The following AVEN variants were observed in gnomAD, a reference collection of about 807,000 sequenced individuals.
AVEN encodes the protein cell death regulator Aven.
A neutral mutation model predicts 38.1 loss-of-function variants in AVEN; 41 were observed. The ratio of observed to expected loss-of-function variants is 1.08; its 90% CI spans 0.84 to 1.40. AVEN has a LOEUF of 1.40. Among genes scored for constraint, AVEN ranks in the 40% most tolerant of loss-of-function variants. The probability of loss-of-function intolerance (pLI) is 0.00; values close to 1 mark genes in which losing one functional copy is unlikely to be tolerated. For missense variants in AVEN, 605 were observed against 438.8 expected (o/e 1.38, Z -3.38); for synonymous variants, 206 against 171.8 (o/e 1.20, Z -1.56).
At chr15:34,072,926 C>T (rs895038903) in intron 1 of AVEN, among the ~76,000 whole-genome samples, 8 of 150,976 alleles carry the variant, frequency 5.3e-5, no homozygotes, top group Admixed American at 3.9e-4. Flanking sequence ...TGGGATTACA[C>T]GCGTGAGCCA....
At chr15:33,855,169 G>A (rs116125012), downstream of AVEN, among the ~76,000 whole-genome samples, 1,435 of 152,134 alleles carry the variant, frequency 9.4e-3, 30 homozygotes, top group African/African-American at 0.032. Context: ...GGAGAGGGAG[G>A]GAGGTGATGG....
intron 2 of AVEN, among the ~76,000 whole-genome samples, chr15:33,975,414 T>TG (rs566165118): frequency 2.6e-5 from 4 of 152,334 alleles, no homozygotes; most frequent in African/African-American, 9.6e-5. Flanking sequence ...TTCTGCTGCC[T>TG]AAACATTGAT....
At chr15:33,873,584 A>G (rs1237403072) in intron 3 of AVEN, among the ~76,000 whole-genome samples, 1 of 148,304 alleles carries the variant, frequency 6.7e-6, no homozygotes, top group East Asian at 1.9e-4. Context: ...ACATATAATT[A>G]TATATAATAC....
At chr15:33,978,202 G>A (rs1895971849) in intron 2 of AVEN, among the ~76,000 whole-genome samples, 1 of 152,132 alleles carries the variant, frequency 6.6e-6, no homozygotes, top group African/African-American at 2.4e-5. Flanking sequence ...ATGCAGACTG[G>A]CCGTTCTGAA....
intron 11 of AVEN, chr15:33,859,441 T>G: frequency 1.2e-6 from 1 of 835,680 alleles, no homozygotes; most frequent in Admixed American, 2.4e-5. Flanking sequence ...GCATGAATAC[T>G]GGCACCTCTG....
chr15:34,071,374 A>G (rs554003380), intron 1 of AVEN, among the ~76,000 whole-genome samples: 1 of 152,272 alleles, frequency 6.6e-6, no homozygotes, highest in East Asian at 1.9e-4. Flanking sequence ...CCCAGGCTCA[A>G]GTGATACTTC....
At chr15:33,863,445 C>T (rs1889256666), downstream of AVEN, among the ~76,000 whole-genome samples, 1 of 152,068 alleles carries the variant, frequency 6.6e-6, no homozygotes, top group African/African-American at 2.4e-5. Flanking sequence ...GACATAATTT[C>T]TACTTTCTCA....
At chr15:33,916,735 G>A (rs1034699858) in intron 2 of AVEN, among the ~76,000 whole-genome samples, 3 of 152,028 alleles carry the variant, frequency 2.0e-5, no homozygotes, top group Admixed American at 1.3e-4. Flanking sequence ...TACACTGCTG[G>A]TGTGAATGTA....
intron 2 of AVEN, among the ~76,000 whole-genome samples, chr15:33,904,708 T>C (rs62014463): frequency 0.57 from 65,477 of 114,948 alleles, 16,199 homozygotes; most frequent in Non-Finnish European, 0.66. Flanking sequence ...TATATATATA[T>C]ATATATATAC....
chr15:33,939,031 C>T (rs1238308767), intron 2 of AVEN, among the ~76,000 whole-genome samples: 7 of 152,226 alleles, frequency 4.6e-5, no homozygotes, highest in Non-Finnish European at 8.8e-5. Flanking sequence ...TTAGTAGAGA[C>T]AGGGTTTCAC....
chr15:33,910,144 A>C (rs1156667244), intron 2 of AVEN, among the ~76,000 whole-genome samples: 1 of 152,036 alleles, frequency 6.6e-6, no homozygotes, highest in Non-Finnish European at 1.5e-5. Flanking sequence ...AAAAAAAAAA[A>C]AAAAAAATTG....
At chr15:34,017,492 T>TG (rs1897977704) in intron 1 of AVEN, among the ~76,000 whole-genome samples, 1 of 92,132 alleles carries the variant, frequency 1.1e-5, no homozygotes, top group Admixed American at 1.3e-4. Context: ...TTGTTTTTTT[T>TG]TTTTTTTTGA....
intron 5 of AVEN, among the ~76,000 whole-genome samples, chr15:34,053,319 A>AAAAAAAAAT (rs775436850): frequency 7.1e-5 from 3 of 42,068 alleles, no homozygotes; most frequent in Non-Finnish European, 9.4e-5. Flanking sequence ...AAAAAAAAAA[A>AAAAAAAAAT]ATATATATAT....
At chr15:33,924,243 G>A (rs1893524807) in intron 2 of AVEN, among the ~76,000 whole-genome samples, 1 of 151,794 alleles carries the variant, frequency 6.6e-6, no homozygotes, top group Non-Finnish European at 1.5e-5. Flanking sequence ...GCAGAGAAAT[G>A]CCTGTAGTCC....
At chr15:34,048,288 C>A (rs1322922431) in intron 5 of AVEN, among the ~76,000 whole-genome samples, 1 of 152,160 alleles carries the variant, frequency 6.6e-6, no homozygotes, top group Non-Finnish European at 1.5e-5. Flanking sequence ...CTGATCTTTC[C>A]CTGGGATGGA....
chr15:33,892,767 T>C (rs1370686034), intron 2 of AVEN, among the ~76,000 whole-genome samples: 8 of 152,096 alleles, frequency 5.3e-5, no homozygotes, highest in Non-Finnish European at 1.2e-4. Flanking sequence ...AAGAAAGTCA[T>C]TGGTAGCTTG....
At chr15:33,852,805 A>C in the AVEN span, 3 of 417,904 alleles carry the variant, frequency 7.2e-6, no homozygotes, top group Non-Finnish European at 1.3e-5. Context: ...CATAATTCTG[A>C]GGCAGAAACT....
At chr15:33,919,591 G>A (rs892509953) in intron 2 of AVEN, among the ~76,000 whole-genome samples, 5 of 152,172 alleles carry the variant, frequency 3.3e-5, no homozygotes, top group African/African-American at 1.2e-4. Flanking sequence ...AAGGGTATGG[G>A]AATGAACCAT....
Position 33,942,296 on chromosome 15 carries a change from T to A in AVEN, c.445+60736A>T, listed in dbSNP as rs1271501619. On this transcript the variant is annotated intron_variant, in intron 2 of 5. Coordinates refer to ENST00000306730, the MANE Select transcript of AVEN (RefSeq NM_020371.3). ...CCTCTTGCTGTCAGTTCACACCATC[T>A]CCCTTCAAGCTCCCATTCAAAATGT... Among the ~76,000 whole-genome samples, 3 of 152,142 alleles carry A rather than the reference T, an allele frequency of 2.0e-5. No individual in the cohort carries two copies. In the East Asian group the frequency reaches 5.8e-4, roughly 29 times the overall value.
Sources: allele counts gnomAD v4.1 joint callset (sites outside exome capture counted in the v4.1 genomes callset), GRCh38; gene constraint gnomAD v4.1.1; transcripts MANE v1.5; gene names NCBI Gene and HGNC (gene_info 2026-07-23, HGNC 2026-07-21).